The following VPS35 variants were observed in gnomAD, a reference collection of about 807,000 sequenced individuals.
VPS35 encodes the protein vacuolar protein sorting-associated protein 35.
Under a neutral mutation model 98.1 loss-of-function variants are expected in VPS35, and 21 were observed. That is an observed-to-expected ratio of 0.21 (90% CI 0.15 to 0.31). The LOEUF (loss-of-function observed/expected upper bound fraction) is 0.31, where lower values mean the gene tolerates loss of function less well. VPS35 is among the 10% of genes least tolerant of loss of function. VPS35 has a pLI of 1.00. For synonymous variants in VPS35, 268 were observed against 318.2 expected, an observed-to-expected ratio of 0.84 and a Z score of 1.68; for missense variants, 554 against 950.8, an observed-to-expected ratio of 0.58 and a Z score of 5.49.
intron 12 of VPS35, among the ~76,000 whole-genome samples, chr16:46,670,269 A>G (rs755809304): frequency 6.6e-5 from 10 of 152,116 alleles, no homozygotes; most frequent in Non-Finnish European, 1.5e-4. Context: ...GGAATAACCA[A>G]TCAGCCACAT....
Position 46,661,388 on chromosome 16 carries a change from C to A in VPS35, c.2211+330G>T, listed in dbSNP as rs111681844. On this transcript the variant is annotated intron_variant, in intron 16 of 16. Coordinates refer to ENST00000299138, the MANE Select transcript of VPS35 (RefSeq NM_018206.6). The surrounding 1 kb of genome is among the most constrained non-coding windows in gnomAD (Gnocchi z 4.3). ...GGGATTACAGGCGCCTGCCACCACG[C>A]CTAGCTAATTTTTGTATTTTTAGTA... 0.14 allele frequency: 40,536 copies of A among 280,760 alleles called. 3,412 individuals carry two copies. Among genetic ancestry groups the A allele is most frequent in the African/African-American group, 0.21 (9,152 of 44,254 alleles). The allele number at this position is 280,760 out of a possible 1,614,324, so 17.4% of individuals were successfully genotyped here. A position where few individuals can be genotyped will look rare whatever the true frequency, so the allele number is the denominator to read the frequency against.
chr16:46,688,672 T>A, intron 1 of VPS35: 1 of 1,053,576 alleles, frequency 9.5e-7, no homozygotes, highest in South Asian at 3.2e-5. Context: ...CAGGAGGGCG[T>A]GGGGACGGCC....
At chr16:46,687,328 A>G (rs1966332097) in intron 1 of VPS35, among the ~76,000 whole-genome samples, 1 of 152,226 alleles carries the variant, frequency 6.6e-6, no homozygotes, top group Admixed American at 6.5e-5. Context: ...GGGCATGACA[A>G]CTTCAAAATA....
intron 12 of VPS35, among the ~76,000 whole-genome samples, chr16:46,670,106 A>G (rs929885157): frequency 6.6e-6 from 1 of 152,244 alleles, no homozygotes; most frequent in Non-Finnish European, 1.5e-5. Flanking sequence ...AAATTACAAG[A>G]AAAACACAGA....
Position 46,659,008 on chromosome 16 carries a change from G to T in VPS35, c.*1464C>A, listed in dbSNP as rs971112723. The stretch of plus-strand genomic sequence containing the variant: ...AAAATGAGCATGTCACTTCCACAGG[G>T]AGGCCACTGAAAGGCACTGTGGTTT... On this transcript the variant is annotated 3_prime_UTR_variant, in exon 17 of 17. Coordinates refer to ENST00000299138, the MANE Select transcript of VPS35 (RefSeq NM_018206.6). The T allele has an allele frequency of 6.6e-6, 1 of 152,312 alleles. No individual in the cohort carries two copies. Among genetic ancestry groups the T allele is most frequent in the Admixed American group, 6.5e-5 (1 of 15,290 alleles). The allele number at this position is 152,312 out of a possible 1,614,324, so 9.4% of individuals were successfully genotyped here.
Position 46,660,184 on chromosome 16 carries a change from GTTTTGTGTTTTTTTTT to G in VPS35, c.*272_*287del, listed in dbSNP as rs1965885674. 3 of 68,094 alleles carry G rather than the reference GTTTTGTGTTTTTTTTT, an allele frequency of 4.4e-5. No individual in the cohort carries two copies. Among genetic ancestry groups the G allele is most frequent in the South Asian group, 3.8e-4 (2 of 5,300 alleles). 4.2% of individuals were successfully genotyped at this position (68,094 alleles called of 1,614,324 possible). On this transcript the variant is annotated 3_prime_UTR_variant, in exon 17 of 17. Transcript: ENST00000299138. ...TAGTAGCCAAGATAAGTGCTTGTGGGTTTTGTGTTTTTTTTTTTTTTTTTTTTTACAGATCACAGGA... is the reference window on the plus strand; with the variant it reads ...TAGTAGCCAAGATAAGTGCTTGTGGGTTTTTTTTTTTTACAGATCACAGGA...
intron 13 of VPS35, among the ~76,000 whole-genome samples, chr16:46,665,154 T>C (rs1379426832): frequency 1.3e-5 from 2 of 152,254 alleles, no homozygotes; most frequent in East Asian, 1.9e-4. Context: ...ACCATCGCCA[T>C]TGCTGAACCT....
rs1318271366 is a variant in VPS35 at position 46,656,974 on chromosome 16, C to T, written c.*3498G>A. ...TGAGCCAAGATCGCACCACTGCACTCCTGCTTGGGTGACAGAGCAAGACTC... is the reference window on the plus strand; with the variant it reads ...TGAGCCAAGATCGCACCACTGCACTTCTGCTTGGGTGACAGAGCAAGACTC... On this transcript the variant is annotated 3_prime_UTR_variant, in exon 17 of 17. Coordinates refer to ENST00000299138, the MANE Select transcript of VPS35 (RefSeq NM_018206.6). 6.6e-6 allele frequency: 1 copy of T among 152,220 alleles called. No individual in the cohort carries two copies. Among genetic ancestry groups the T allele is most frequent in the African/African-American group, 2.4e-5 (1 of 41,414 alleles). The allele number at this position is 152,220 out of a possible 1,614,324, so 9.4% of individuals were successfully genotyped here. A position where few individuals can be genotyped will look rare whatever the true frequency, so the allele number is the denominator to read the frequency against.
rs1469663537 is a variant in VPS35 at position 46,658,202 on chromosome 16, G to C, written c.*2270C>G. Reference sequence around the variant, plus strand: ...GAAGGCTAAATAAACTATTGGACTTGATGTTCCATGAGAATTCATACAACC... The same window carrying C: ...GAAGGCTAAATAAACTATTGGACTTCATGTTCCATGAGAATTCATACAACC... On this transcript the variant is annotated 3_prime_UTR_variant, in exon 17 of 17. Transcript: ENST00000299138. 1.3e-5 allele frequency: 2 copies of C among 153,350 alleles called. No homozygotes were observed. Among genetic ancestry groups the C allele is most frequent in the Non-Finnish European group, 2.9e-5 (2 of 68,044 alleles). 9.5% of individuals were successfully genotyped at this position (153,350 alleles called of 1,614,324 possible). A position where few individuals can be genotyped will look rare whatever the true frequency, so the allele number is the denominator to read the frequency against.
Position 46,688,802 on chromosome 16 carries a change from C to T in VPS35, c.3+329G>A, listed in dbSNP as rs934512055. ...ACGCTCAGACCTAGGACTACCGGTC[C>T]CCTCGTGGTAGGCAGGTGACCGATT... On this transcript the variant is annotated intron_variant, in intron 1 of 16. Coordinates refer to ENST00000299138, the MANE Select transcript of VPS35 (RefSeq NM_018206.6). 2.6e-5 allele frequency: 35 copies of T among 1,348,430 alleles called. No homozygotes were observed. In the African/African-American group the frequency reaches 4.4e-4, roughly 17 times the overall value. The allele number at this position is 1,348,430 out of a possible 1,614,324, so 83.5% of individuals were successfully genotyped here. A position where few individuals can be genotyped will look rare whatever the true frequency, so the allele number is the denominator to read the frequency against.
intron 11 of VPS35, 29 bp downstream of exon 11, chr16:46,672,236 C>T: frequency 6.3e-7 from 1 of 1,599,248 alleles, no homozygotes; most frequent in Non-Finnish European, 8.6e-7. Context: ...ACACTGTTTC[C>T]CTAAAATAGC....
intron 16 of VPS35, 187 bp from the exon 17 acceptor site, chr16:46,660,838 AAC>A: frequency 3.0e-6 from 2 of 676,372 alleles, no homozygotes; most frequent in Non-Finnish European, 5.2e-6. Context: ...AAAAAAAAAA[AAC>A]AACCCTTTAA....
intron 13 of VPS35, among the ~76,000 whole-genome samples, chr16:46,664,313 C>T (rs917586169): frequency 6.6e-6 from 1 of 151,940 alleles, no homozygotes; most frequent in African/African-American, 2.4e-5. Flanking sequence ...CGCGCCACCA[C>T]GCCCTGCTAT....
rs1965871260 is a variant in VPS35 at position 46,659,116 on chromosome 16, G to A, written c.*1356C>T. On this transcript the variant is annotated 3_prime_UTR_variant, in exon 17 of 17. Coordinates refer to ENST00000299138, the MANE Select transcript of VPS35 (RefSeq NM_018206.6). ...GGAAGGGCCGTCAAGGAGAGGAACT[G>A]GGGCCTCTGCCCTCAAGGAAAGGAA... The A allele has an allele frequency of 6.6e-6, 1 of 152,288 alleles. No homozygotes were observed. Among genetic ancestry groups the A allele is most frequent in the South Asian group, 2.1e-4 (1 of 4,822 alleles). The allele number at this position is 152,288 out of a possible 1,614,324, so 9.4% of individuals were successfully genotyped here. A position where few individuals can be genotyped will look rare whatever the true frequency, so the allele number is the denominator to read the frequency against.
intron 15 of VPS35, 90 bp downstream of exon 15, chr16:46,662,153 C>T: frequency 6.2e-7 from 1 of 1,606,764 alleles, no homozygotes; most frequent in African/African-American, 1.3e-5. Context: ...TCCAAGCACC[C>T]CAAATGTTTC....
At position 46,658,545 on chromosome 16, in the gene VPS35, T is replaced by C. The variant is rs1965862814; in HGVS notation, c.*1927A>G. ...AAAATAAGAGATAATTTACACACTG[T>C]ACTGACATTACCTTACTTGCAAACC... On this transcript the variant is annotated 3_prime_UTR_variant, in exon 17 of 17. Transcript: ENST00000299138. 1 of 153,576 alleles carries C rather than the reference T, an allele frequency of 6.5e-6. No individual in the cohort carries two copies. The highest frequency in any genetic ancestry group is 2.4e-5 in the African/African-American group (1 of 41,474). 9.5% of individuals were successfully genotyped at this position (153,576 alleles called of 1,614,324 possible).
At chr16:46,688,863 A>G in intron 1 of VPS35, 10 of 1,428,336 alleles carry the variant, frequency 7.0e-6, no homozygotes, top group Non-Finnish European at 9.1e-6. Context: ...CATGGACCCC[A>G]AAGCCTACAT....
chr16:46,665,021 T>C (rs1053799887), intron 13 of VPS35, among the ~76,000 whole-genome samples: 8 of 152,224 alleles, frequency 5.3e-5, no homozygotes, highest in Non-Finnish European at 1.2e-4. Flanking sequence ...TATAAATTCT[T>C]GGAATTCCAC....
At chr16:46,670,560 T>C (rs1966053511) in intron 12 of VPS35, among the ~76,000 whole-genome samples, 2 of 152,176 alleles carry the variant, frequency 1.3e-5, no homozygotes, top group Admixed American at 6.5e-5. Context: ...GCCAGGATTA[T>C]AGATGCGAGC....
Sources: gnomAD v4.1 joint callset for allele counts (sites outside exome capture counted in the v4.1 genomes callset) on GRCh38, gnomAD v4.1.1 for gene constraint, Gnocchi (gnomAD v3.1) non-coding constraint, MANE v1.5 for transcripts, NCBI Gene and HGNC (gene_info 2026-07-23, HGNC 2026-07-21) for gene names.